Variants in IGF2BP2 observed in about 807,000 individuals in gnomAD.
The protein encoded by IGF2BP2 is insulin-like growth factor 2 mRNA-binding protein 2.
IGF2BP2 carries 17 observed loss-of-function variants against 75.8 expected under a neutral mutation model. The observed-to-expected ratio is 0.22, with a 90% CI of 0.15 to 0.34. IGF2BP2 has a LOEUF of 0.34. Among genes scored for constraint, IGF2BP2 ranks in the 10% least tolerant of loss-of-function variants. The probability of loss-of-function intolerance (pLI) is 1.00; values close to 1 mark genes in which losing one functional copy is unlikely to be tolerated. For synonymous variants in IGF2BP2, 288 were observed against 295.6 expected (o/e 0.97, Z 0.26); for missense variants, 516 against 772.4 (o/e 0.67, Z 3.93).
intron 2 of IGF2BP2, among the ~76,000 whole-genome samples, chr3:185,771,534 T>G (rs1019286791): frequency 6.6e-5 from 10 of 152,046 alleles, no homozygotes; most frequent in Non-Finnish European, 1.5e-4. Context: ...ATGTAGGTAA[T>G]GAGAAATCCA....
chr3:185,777,279 G>C (rs965471568), intron 2 of IGF2BP2, among the ~76,000 whole-genome samples: 3 of 152,112 alleles, frequency 2.0e-5, no homozygotes, highest in African/African-American at 7.2e-5. Flanking sequence ...CCACCAGCCT[G>C]GGCAACATGG....
chr3:185,661,077 C>A (rs1716352940), intron 10 of IGF2BP2, among the ~76,000 whole-genome samples: 1 of 152,192 alleles, frequency 6.6e-6, no homozygotes, highest in Admixed American at 6.5e-5. Context: ...GACAAATTCT[C>A]TTTTATTCAT....
At chr3:185,703,076 C>T (rs1723534525) in intron 2 of IGF2BP2, among the ~76,000 whole-genome samples, 1 of 152,158 alleles carries the variant, frequency 6.6e-6, no homozygotes, top group Non-Finnish European at 1.5e-5. Context: ...CTGGAGCCAC[C>T]CTGCTTTGCT....
intron 2 of IGF2BP2, among the ~76,000 whole-genome samples, chr3:185,787,383 A>C (rs1305463995): frequency 6.6e-6 from 1 of 152,210 alleles, no homozygotes; most frequent in Non-Finnish European, 1.5e-5. Context: ...TTCAATACCC[A>C]CTAAAAAAAA....
chr3:185,755,251 G>T (rs1009047340), intron 2 of IGF2BP2, among the ~76,000 whole-genome samples: 1 of 152,192 alleles, frequency 6.6e-6, no homozygotes. Context: ...CTCCAGCCAC[G>T]GTTCACAGGG....
intron 2 of IGF2BP2, among the ~76,000 whole-genome samples, chr3:185,776,959 TAGG>T (rs1279861141): frequency 6.6e-6 from 1 of 152,008 alleles, no homozygotes; most frequent in Non-Finnish European, 1.5e-5. Context: ...GAAATTAGAT[TAGG>T]AGGTCAAGAC....
chr3:185,741,012 G>A (rs558939227), intron 2 of IGF2BP2, among the ~76,000 whole-genome samples: 1 of 152,296 alleles, frequency 6.6e-6, no homozygotes, highest in East Asian at 1.9e-4. Flanking sequence ...GAGTAGCTGG[G>A]ATTATAGGCA....
chr3:185,794,223 C>A (rs906446681), intron 2 of IGF2BP2, among the ~76,000 whole-genome samples: 3 of 151,954 alleles, frequency 2.0e-5, no homozygotes, highest in Admixed American at 2.0e-4. Context: ...AGCTTGGCCT[C>A]CCAAAGTGCT....
At chr3:185,755,514 G>A (rs1033694132) in intron 2 of IGF2BP2, among the ~76,000 whole-genome samples, 12 of 152,326 alleles carry the variant, frequency 7.9e-5, no homozygotes, top group African/African-American at 2.9e-4. Context: ...TAGAGCCACT[G>A]GCAGCTTACA....
intron 7 of IGF2BP2, among the ~76,000 whole-genome samples, chr3:185,686,152 G>A (rs1458854747): frequency 2.0e-5 from 3 of 152,212 alleles, no homozygotes; most frequent in Non-Finnish European, 2.9e-5. Flanking sequence ...GGGAGGACGA[G>A]GTGGGCAGAT....
intron 2 of IGF2BP2, among the ~76,000 whole-genome samples, chr3:185,772,288 C>G (rs1027659147): frequency 2.6e-5 from 4 of 152,154 alleles, no homozygotes; most frequent in African/African-American, 9.7e-5. Flanking sequence ...AGAGTTTTCC[C>G]TACTGTAAGT....
intron 2 of IGF2BP2, among the ~76,000 whole-genome samples, chr3:185,755,660 T>C (rs552913441): frequency 1.4e-4 from 21 of 152,250 alleles, no homozygotes; most frequent in Non-Finnish European, 2.5e-4. Flanking sequence ...ATGTGGGACA[T>C]GGAGTTAAGG....
intron 2 of IGF2BP2, among the ~76,000 whole-genome samples, chr3:185,790,457 C>T (rs1736495056): frequency 6.6e-6 from 1 of 152,164 alleles, no homozygotes; most frequent in Non-Finnish European, 1.5e-5. Flanking sequence ...TCTCTTCAAA[C>T]AGCCCACGTA....
intron 2 of IGF2BP2, among the ~76,000 whole-genome samples, chr3:185,706,742 T>C (rs538693787): frequency 3.4e-4 from 47 of 136,766 alleles, no homozygotes; most frequent in Middle Eastern, 7.7e-3. Flanking sequence ...AGATTCCTTC[T>C]TTTTTTTTTT....
intron 2 of IGF2BP2, among the ~76,000 whole-genome samples, chr3:185,798,678 C>T (rs1737761804): frequency 6.6e-6 from 1 of 152,156 alleles, no homozygotes; most frequent in African/African-American, 2.4e-5. Context: ...TGCTTTAAAA[C>T]ACCTGCTTTT....
intron 2 of IGF2BP2, 151 bp from the exon 3 acceptor site, chr3:185,698,498 AT>A (rs1722867436): frequency 1.0e-5 from 7 of 700,426 alleles, no homozygotes; most frequent in Non-Finnish European, 1.7e-5. Context: ...AATCATGAGC[AT>A]AGTTTTTTTG....
intron 10 of IGF2BP2, among the ~76,000 whole-genome samples, chr3:185,668,736 A>C (rs1361874589): frequency 2.6e-5 from 4 of 151,984 alleles, no homozygotes; most frequent in African/African-American, 9.7e-5. Flanking sequence ...AGCAGCCTTA[A>C]TATGTAATTA....
chr3:185,824,905 A>T lies in IGF2BP2; in HGVS notation c.56T>A (p.Leu19His). Residue 19 changes from leucine to histidine, a missense_variant, in exon 1 of 16, where the codon CTC becomes CAC. Leu to His is a moderately conservative substitution (Grantham distance 99). Around this residue, in one of 3 missense-constraint regions of IGF2BP2, gnomAD observed 312 missense variants for 474.5 expected, o/e 0.66. Coordinates refer to ENST00000382199, the MANE Select transcript of IGF2BP2 (RefSeq NM_006548.6). ...CTTCCTGTCCCCAAAGAGCTGCCGG[A>T]GGTCGTCGGCGGTGACGGCGGGGCT... The part of the protein sequence containing the change: ...NLSPAVTADD[L>H]RQLFGDRKLP... The T allele has an allele frequency of 6.4e-7, 1 of 1,571,160 alleles. No individual in the cohort carries two copies.
chr3:185,657,955 CA>C (rs1389088901), intron 11 of IGF2BP2, among the ~76,000 whole-genome samples: 1 of 152,198 alleles, frequency 6.6e-6, no homozygotes, highest in Non-Finnish European at 1.5e-5. Context: ...GCAAGGCTGC[CA>C]GGGGTCCTTG....
Sources: allele counts gnomAD v4.1 joint callset (sites outside exome capture counted in the v4.1 genomes callset), GRCh38; gene constraint gnomAD v4.1.1; regional missense constraint gnomAD v4.1.1; transcripts MANE v1.5; gene names NCBI Gene and HGNC (gene_info 2026-07-23, HGNC 2026-07-21).